The following CALN1 variants were observed in gnomAD, a reference collection of about 807,000 sequenced individuals.
The protein encoded by CALN1 is calneuron 1.
Under a neutral mutation model 30.6 loss-of-function variants are expected in CALN1, and 17 were observed. The ratio of observed to expected loss-of-function variants is 0.56; its 90% CI spans 0.38 to 0.83. The LOEUF (loss-of-function observed/expected upper bound fraction) is 0.83, where lower values mean the gene tolerates loss of function less well. Among genes scored for constraint, CALN1 ranks in the 40% least tolerant of loss-of-function variants. The probability of loss-of-function intolerance (pLI) is 0.00; values close to 1 mark genes in which losing one functional copy is unlikely to be tolerated. For missense variants in CALN1, 291 were observed against 354.9 expected, an observed-to-expected ratio of 0.82 and a Z score of 1.45; for synonymous variants, 156 against 131.4, an observed-to-expected ratio of 1.19 and a Z score of -1.28.
At chr7:71,794,855 G>A (rs1786795549) in intron 6 of CALN1, among the ~76,000 whole-genome samples, 1 of 151,948 alleles carries the variant, frequency 6.6e-6, no homozygotes, top group Admixed American at 6.6e-5. Context: ...CCCCGCTGAT[G>A]GGAGAAGCCT....
chr7:72,059,901 G>C (rs963188494), intron 4 of CALN1, among the ~76,000 whole-genome samples: 5 of 152,176 alleles, frequency 3.3e-5, no homozygotes, highest in Non-Finnish European at 7.3e-5. Flanking sequence ...AACATGCAGA[G>C]AACGCATGGA....
At chr7:71,823,932 G>A (rs947448435) in intron 5 of CALN1, among the ~76,000 whole-genome samples, 2 of 152,032 alleles carry the variant, frequency 1.3e-5, no homozygotes, top group Non-Finnish European at 2.9e-5. Context: ...CCATCAGATC[G>A]CGTGAGACTT....
chr7:72,307,888 G>A (rs1799757215), intron 2 of CALN1, among the ~76,000 whole-genome samples: 2 of 53,352 alleles, frequency 3.7e-5, no homozygotes, highest in Non-Finnish European at 7.5e-5. Context: ...AGAAGCAAAA[G>A]GCAGAGACAA....
chr7:72,386,637 GT>G (rs1369357467), intron 2 of CALN1, among the ~76,000 whole-genome samples: 1 of 152,088 alleles, frequency 6.6e-6, no homozygotes, highest in Admixed American at 6.6e-5. Flanking sequence ...AAACCTATGT[GT>G]TGTTAGTGTT....
At chr7:71,804,389 T>G (rs1787485017) in intron 6 of CALN1, among the ~76,000 whole-genome samples, 1 of 152,126 alleles carries the variant, frequency 6.6e-6, no homozygotes, top group Non-Finnish European at 1.5e-5. Context: ...ATGCCTCTAG[T>G]CCCAGCTACT....
At chr7:72,219,806 A>G (rs1425994110) in intron 3 of CALN1, among the ~76,000 whole-genome samples, 2 of 152,054 alleles carry the variant, frequency 1.3e-5, no homozygotes, top group Non-Finnish European at 2.9e-5. Flanking sequence ...TGCAAATAGG[A>G]GACATTTCAA....
rs529910234 is a variant in CALN1, at chr7:71,900,660, T to C, written c.502-90168A>G. Reference sequence around the variant, plus strand: ...CACAAGGACCCCAGTCAGTAACAGATGTTCCAGAAGGGGGCTAGGGCAGAT... The same window carrying C: ...CACAAGGACCCCAGTCAGTAACAGACGTTCCAGAAGGGGGCTAGGGCAGAT... On this transcript the variant is annotated intron_variant, in intron 5 of 6. Transcript: ENST00000395275. 5.3e-5 allele frequency among the ~76,000 whole-genome samples: 8 copies of C among 152,248 alleles called. No homozygotes were observed. The South Asian group carries it at 1.0e-3, about 20-fold the overall frequency.
intron 3 of CALN1, among the ~76,000 whole-genome samples, chr7:72,230,779 G>A (rs1794041313): frequency 6.6e-6 from 1 of 152,158 alleles, no homozygotes; most frequent in Admixed American, 6.5e-5. Context: ...ATTCTGTTAA[G>A]CCGCTAAGTT....
At chr7:72,309,272 G>A (rs1339696398) in intron 2 of CALN1, among the ~76,000 whole-genome samples, 3 of 152,098 alleles carry the variant, frequency 2.0e-5, no homozygotes, top group Admixed American at 1.3e-4. Flanking sequence ...AATCCATGCC[G>A]GTCCTGTTCA....
At chr7:71,843,403 G>A (rs138473687) in intron 5 of CALN1, among the ~76,000 whole-genome samples, 2 of 152,106 alleles carry the variant, frequency 1.3e-5, no homozygotes, top group East Asian at 3.9e-4. Context: ...TGAATTGCTT[G>A]AGCTCAGGAC....
chr7:72,405,884 C>A (rs1378190476), intron 1 of CALN1, among the ~76,000 whole-genome samples: 1 of 152,102 alleles, frequency 6.6e-6, no homozygotes, highest in Non-Finnish European at 1.5e-5. Context: ...CTTGTCAGGT[C>A]CCCCCAGGCA....
rs556010458 is a variant in CALN1 at position 72,446,295 on chromosome 7, C to T, written c.-226+747G>A. On this transcript the variant is annotated intron_variant, in intron 1 of 6. Coordinates refer to the CALN1 transcript ENST00000395276. ...GTTCTCTGAGCCCAAGTACAATTTA[C>T]ACAATGCAATGTACAAAGAAGATAA... is the stretch of plus-strand genomic sequence containing the variant. Among the ~76,000 whole-genome samples, 3 of 152,338 alleles carry T rather than the reference C, an allele frequency of 2.0e-5. No homozygotes were observed. In the South Asian group the frequency reaches 6.2e-4, roughly 32 times the overall value.
chr7:71,920,536 C>G (rs1404683546), intron 5 of CALN1, among the ~76,000 whole-genome samples: 3 of 151,842 alleles, frequency 2.0e-5, no homozygotes, highest in Non-Finnish European at 4.4e-5. Flanking sequence ...GGGGTTTCAC[C>G]GTGTTAGCCA....
intron 2 of CALN1, among the ~76,000 whole-genome samples, chr7:72,385,743 G>C (rs966257338): frequency 2.6e-5 from 4 of 152,074 alleles, no homozygotes; most frequent in African/African-American, 7.2e-5. Flanking sequence ...TCATGAGATC[G>C]AATGGTTTAA....
intron 3 of CALN1, among the ~76,000 whole-genome samples, chr7:72,246,509 A>G (rs543473449): frequency 6.6e-6 from 1 of 152,274 alleles, no homozygotes; most frequent in South Asian, 2.1e-4. Flanking sequence ...CAGTAACTCT[A>G]TAATTCCGTG....
chr7:72,183,885 C>G (rs1789992731), intron 3 of CALN1, among the ~76,000 whole-genome samples: 1 of 152,016 alleles, frequency 6.6e-6, no homozygotes, highest in African/African-American at 2.4e-5. Flanking sequence ...AACTAAAGTC[C>G]CCTCGAACAA....
chr7:72,289,009 A>T (rs1798291142), intron 2 of CALN1, among the ~76,000 whole-genome samples: 1 of 152,222 alleles, frequency 6.6e-6, no homozygotes, highest in African/African-American at 2.4e-5. Flanking sequence ...ATAAATGGCA[A>T]GCTTTCTAAG....
At chr7:72,221,180 A>G (rs1793262444) in intron 3 of CALN1, among the ~76,000 whole-genome samples, 1 of 151,912 alleles carries the variant, frequency 6.6e-6, no homozygotes, top group Non-Finnish European at 1.5e-5. Context: ...AAAGGGGAGT[A>G]TTTTTCACAC....
chr7:72,361,517 CAAACA>C (rs1803567142), intron 2 of CALN1, among the ~76,000 whole-genome samples: 1 of 152,110 alleles, frequency 6.6e-6, no homozygotes, highest in African/African-American at 2.4e-5. Context: ...AAAAAACAAA[CAAACA>C]AAACAAAGAA....
Sources: allele counts gnomAD v4.1 joint callset (sites outside exome capture counted in the v4.1 genomes callset), GRCh38; gene constraint gnomAD v4.1.1; transcripts MANE v1.5; gene names NCBI Gene and HGNC (gene_info 2026-07-23, HGNC 2026-07-21).